KCNH7: variants seen among roughly 807,000 people sequenced by gnomAD.
KCNH7 encodes voltage-gated inwardly rectifying potassium channel KCNH7.
In KCNH7, 49 loss-of-function variants were observed where a neutral mutation model predicts 120.8. The observed-to-expected ratio is 0.41, with a 90% confidence interval of 0.32 to 0.51. The LOEUF is 0.51. Ranked by LOEUF, KCNH7 falls within the 20% of genes least tolerant of loss-of-function variation. The pLI, the probability that KCNH7 is intolerant of heterozygous loss-of-function variation, is 0.38. For missense variants in KCNH7, 1,097 were observed against 1,446.6 expected (o/e 0.76, Z 3.92); for synonymous variants, 547 against 516.1 (o/e 1.06, Z -0.81).
chr2:162,472,844 G>A lies in KCNH7; in HGVS notation c.1129-26401C>T, dbSNP rs1425346184. ...GCAAAAACTTGGAACCGACCCAAATGTCCATCAGTGATAGACTGGATTAAG... is the reference window on the plus strand; with the variant it reads ...GCAAAAACTTGGAACCGACCCAAATATCCATCAGTGATAGACTGGATTAAG... On this transcript the variant is annotated intron_variant, in intron 6 of 15. Coordinates refer to ENST00000332142, the MANE Select transcript of KCNH7 (RefSeq NM_033272.4). Among the ~76,000 whole-genome samples the A allele has an allele frequency of 4.6e-5, 7 of 152,190 alleles. No individual in the cohort carries two copies. In the East Asian group the frequency reaches 1.2e-3, roughly 25 times the overall value.
chr2:162,422,951 A>C (rs1208435280), intron 9 of KCNH7, among the ~76,000 whole-genome samples: 1 of 152,166 alleles, frequency 6.6e-6, no homozygotes, highest in Non-Finnish European at 1.5e-5. Flanking sequence ...GTTTGGGGGC[A>C]TCATAATTAT....
chr2:162,731,579 T>C (rs7606678), intron 2 of KCNH7, among the ~76,000 whole-genome samples: 6 of 151,872 alleles, frequency 4.0e-5, no homozygotes, highest in African/African-American at 1.2e-4. Flanking sequence ...TAGAGCTATT[T>C]TATAATATTT....
chr2:162,559,770 A>G (rs761751838), intron 2 of KCNH7, among the ~76,000 whole-genome samples: 25 of 152,336 alleles, frequency 1.6e-4, no homozygotes, highest in Admixed American at 3.3e-4. Context: ...TGGATGAACT[A>G]TATACCTGAG....
chr2:162,736,306 A>G (rs1361108212), intron 2 of KCNH7, among the ~76,000 whole-genome samples: 1 of 152,266 alleles, frequency 6.6e-6, no homozygotes, highest in African/African-American at 2.4e-5. Flanking sequence ...AACTGAAATT[A>G]AAGTTATGTT....
At chr2:162,742,233 CAT>C (rs1195738831) in intron 2 of KCNH7, among the ~76,000 whole-genome samples, 1 of 152,146 alleles carries the variant, frequency 6.6e-6, no homozygotes. Flanking sequence ...CAATGGGTGT[CAT>C]AAGAATGACA....
At chr2:162,703,476 C>T (rs1686585520) in intron 2 of KCNH7, among the ~76,000 whole-genome samples, 1 of 151,950 alleles carries the variant, frequency 6.6e-6, no homozygotes, top group African/African-American at 2.4e-5. Context: ...GATAATAAAA[C>T]CAGCAGAAAT....
At chr2:162,640,557 A>G (rs562577129) in intron 2 of KCNH7, among the ~76,000 whole-genome samples, 3 of 152,222 alleles carry the variant, frequency 2.0e-5, no homozygotes, top group African/African-American at 7.2e-5. Context: ...CTAACTCAAA[A>G]TGTATCACAG....
At chr2:162,731,964 A>G (rs2105393279) in intron 2 of KCNH7, among the ~76,000 whole-genome samples, 1 of 152,322 alleles carries the variant, frequency 6.6e-6, no homozygotes, top group South Asian at 2.1e-4. Flanking sequence ...TGGCAGATAA[A>G]GTTGGCAGAA....
At chr2:162,431,982 C>A (rs887207204) in intron 8 of KCNH7, among the ~76,000 whole-genome samples, 4 of 151,852 alleles carry the variant, frequency 2.6e-5, no homozygotes, top group Non-Finnish European at 4.4e-5. Context: ...TTAATCCTCA[C>A]AAGTGGTGTG....
intron 2 of KCNH7, among the ~76,000 whole-genome samples, chr2:162,652,328 T>C (rs75783019): frequency 0.019 from 2,875 of 152,218 alleles, 63 homozygotes; most frequent in East Asian, 0.11. Context: ...TTTATGATGA[T>C]TACATGAGAT....
intron 2 of KCNH7, among the ~76,000 whole-genome samples, chr2:162,693,839 C>G (rs1346673345): frequency 6.6e-6 from 1 of 151,712 alleles, no homozygotes; most frequent in Non-Finnish European, 1.5e-5. Flanking sequence ...CTCATGTTAA[C>G]AAATATAGAA....
chr2:162,437,606 A>G (rs555351207), intron 7 of KCNH7, among the ~76,000 whole-genome samples: 88 of 152,210 alleles, frequency 5.8e-4, no homozygotes, highest in South Asian at 3.9e-3. Flanking sequence ...TATTCATTTA[A>G]TCTTACACTT....
At chr2:162,616,548 G>A (rs1251041780) in intron 2 of KCNH7, among the ~76,000 whole-genome samples, 2 of 152,056 alleles carry the variant, frequency 1.3e-5, no homozygotes, top group African/African-American at 4.8e-5. Flanking sequence ...CAGATTGTAT[G>A]GTGTTTAAAT....
chr2:162,724,141 A>T lies in KCNH7; in HGVS notation c.307+112396T>A, dbSNP rs571073781. Among the ~76,000 whole-genome samples, 7 of 152,218 alleles carry T rather than the reference A, an allele frequency of 4.6e-5. No individual in the cohort carries two copies. The East Asian group carries it at 1.4e-3, about 29-fold the overall frequency. On this transcript the variant is annotated intron_variant, in intron 2 of 15. Coordinates refer to ENST00000332142, the MANE Select transcript of KCNH7 (RefSeq NM_033272.4). ...TTTCTAGACCTGTTAACATAATTTA[A>T]CCTACTCTGTGTATGTGTGTGTTTG...
At chr2:162,615,974 A>G (rs941958511) in intron 2 of KCNH7, among the ~76,000 whole-genome samples, 1 of 152,350 alleles carries the variant, frequency 6.6e-6, no homozygotes, top group Non-Finnish European at 1.5e-5. Context: ...TTACTAAATT[A>G]GAGATAGGAA....
At chr2:162,446,471 T>TA in intron 6 of KCNH7, 28 bp from the exon 7 acceptor site, 2 of 1,517,696 alleles carry the variant, frequency 1.3e-6, no homozygotes, top group Non-Finnish European at 1.8e-6. Context: ...AATCATACAC[T>TA]ACATAAATAT....
At chr2:162,459,507 T>G (rs899181134) in intron 6 of KCNH7, among the ~76,000 whole-genome samples, 11 of 152,042 alleles carry the variant, frequency 7.2e-5, no homozygotes, top group Non-Finnish European at 5.9e-5. Flanking sequence ...TAGTAGCACA[T>G]CTTGGCCAAA....
At position 162,435,539 on chromosome 2, in the gene KCNH7, G is replaced by A; in HGVS notation, c.1613C>T (p.Ala538Val). 1 of 1,613,380 alleles carries A rather than the reference G, an allele frequency of 6.2e-7. No homozygotes were observed. Among genetic ancestry groups the A allele is most frequent in the African/African-American group, 1.3e-5 (1 of 74,998 alleles). Residue 538 changes from alanine (A) to valine (V), a missense_variant, in exon 8 of 16, where the codon GCC (alanine) becomes GTC (valine). This residue lies in a region of KCNH7 where 109 missense variants were observed against 196.8 expected (regional missense o/e 0.55). Coordinates refer to ENST00000332142, the MANE Select transcript of KCNH7 (RefSeq NM_033272.4). ...TTCTGAATATCGATCCAGTTTCCTG[G>A]CCACGCGCACAAGACGGAGGAGTCG... Reference protein sequence around the residue: ...TARLLRLVRVARKLDRYSEYG... With the variant: ...TARLLRLVRVVRKLDRYSEYG...
chr2:162,396,959 A>C lies in KCNH7; in HGVS notation c.2408-14T>G. Reference sequence around the variant, plus strand: ...TATCATTTTTTCCTAAGAAAATATAAAGAAAAAGAGGCGGGGAAAGGGAAT... The same window carrying C: ...TATCATTTTTTCCTAAGAAAATATACAGAAAAAGAGGCGGGGAAAGGGAAT... On this transcript the variant is annotated splice_polypyrimidine_tract_variant and intron_variant, in intron 10 of 15. Transcript: ENST00000332142. 1 of 1,564,844 alleles carries C rather than the reference A, an allele frequency of 6.4e-7. No individual in the cohort carries two copies. The highest frequency in any genetic ancestry group is 8.8e-7 in the Non-Finnish European group (1 of 1,139,648).
Sources: gnomAD v4.1 joint callset for allele counts (sites outside exome capture counted in the v4.1 genomes callset) on GRCh38, gnomAD v4.1.1 for gene constraint, gnomAD v4.1.1 regional missense constraint, MANE v1.5 for transcripts, NCBI Gene and HGNC (gene_info 2026-07-23, HGNC 2026-07-21) for gene names.